The following NACC1 variants were observed in gnomAD, a reference collection of about 807,000 sequenced individuals.
NACC1 encodes the protein nucleus accumbens associated 1.
A neutral mutation model predicts 41.7 loss-of-function variants in NACC1; 6 were observed. The observed-to-expected ratio is 0.14, with a 90% CI of 0.08 to 0.28. The LOEUF is 0.28. Ranked by LOEUF, NACC1 falls within the 10% of genes least tolerant of loss-of-function variation. The pLI is 1.00. For missense variants in NACC1, 434 were observed against 763.7 expected (o/e 0.57, Z 5.09); for synonymous variants, 338 against 330.6 (o/e 1.02, Z -0.24).
chr19:13,120,648 G>A (rs2019478260), intron 1 of NACC1, among the ~76,000 whole-genome samples: 1 of 152,200 alleles, frequency 6.6e-6, no homozygotes, highest in African/African-American at 2.4e-5. Flanking sequence ...CTTCCTGGCT[G>A]GTTGGGCCAG....
intron 1 of NACC1, among the ~76,000 whole-genome samples, chr19:13,123,306 T>C (rs563691530): frequency 7.9e-5 from 12 of 152,206 alleles, no homozygotes; most frequent in East Asian, 5.8e-4. Flanking sequence ...GGTGGGCTTA[T>C]GGTTGGAGTT....
At chr19:13,126,639 A>G (rs2145615463) in intron 1 of NACC1, among the ~76,000 whole-genome samples, 1 of 152,268 alleles carries the variant, frequency 6.6e-6, no homozygotes, top group South Asian at 2.1e-4. Context: ...TTCGTCAGGT[A>G]ACACTGCGGT....
intron 1 of NACC1, among the ~76,000 whole-genome samples, chr19:13,126,668 G>A (rs950051164): frequency 2.0e-5 from 3 of 152,108 alleles, no homozygotes; most frequent in African/African-American, 7.2e-5. Flanking sequence ...GCCCCTGACT[G>A]CTGGCTACCC....
chr19:13,133,491 G>A (rs2019660291), intron 1 of NACC1, among the ~76,000 whole-genome samples: 1 of 151,916 alleles, frequency 6.6e-6, no homozygotes, highest in African/African-American at 2.4e-5. Context: ...GGATTTGCCT[G>A]TCCTGGACAT....
chr19:13,129,172 G>A lies in NACC1; in HGVS notation c.-8-6028G>A, dbSNP rs142510602. 4.9e-3 allele frequency among the ~76,000 whole-genome samples: 740 copies of A among 152,250 alleles called. 5 individuals carry two copies. Among genetic ancestry groups the A allele is most frequent in the African/African-American group, 0.016 (676 of 41,536 alleles). On this transcript the variant is annotated intron_variant, in intron 1 of 5. Transcript: ENST00000292431. ...GGTGCACAGCTTGGGCAAAGGCCTC[G>A]CTGCAGTAGAGGAGGACCAGGCAGT... is the stretch of plus-strand genomic sequence containing the variant.
intron 1 of NACC1, among the ~76,000 whole-genome samples, chr19:13,130,867 C>T (rs954777068): frequency 2.0e-5 from 3 of 152,108 alleles, no homozygotes; most frequent in African/African-American, 7.2e-5. Flanking sequence ...GCTGCCCTGA[C>T]CCTGGGGCTC....
At chr19:13,134,294 A>G (rs901236231) in intron 1 of NACC1, among the ~76,000 whole-genome samples, 2 of 151,980 alleles carry the variant, frequency 1.3e-5, no homozygotes. Flanking sequence ...TCCTAGGCTC[A>G]AGTGATCCAC....
At chr19:13,124,717 C>T (rs1459459555) in intron 1 of NACC1, among the ~76,000 whole-genome samples, 2 of 152,132 alleles carry the variant, frequency 1.3e-5, no homozygotes, top group Non-Finnish European at 2.9e-5. Context: ...TTCCTTGTTA[C>T]ACTTGGAGTT....
In NACC1 at chr19:13,136,264, GC is replaced by G; in HGVS notation, c.984del (p.Glu329SerfsTer44). On this transcript the variant is annotated frameshift_variant, in exon 3 of 6. Transcript: ENST00000292431. LOFTEE classifies it high-confidence loss of function. This position sits in a 1 kb window ranked among gnomAD's most constrained non-coding sequence, Gnocchi z 5.5. ...EKVEALPEQV[A>X]PESRNRIRVR... ...GGTGGAGGCCCTCCCGGAGCAGGTA[GC>G]CCCCGAGTCCCGAAATCGCATCCGG... 6.2e-7 allele frequency: 1 copy of G among 1,613,890 alleles called. No homozygotes were observed. The highest frequency in any genetic ancestry group is 8.5e-7 in the Non-Finnish European group (1 of 1,179,850).
rs376552799 is a variant in NACC1, at chr19:13,137,406, G to A, written c.1226+30G>A. On this transcript the variant is annotated intron_variant, in intron 4 of 5. Coordinates refer to ENST00000292431, the MANE Select transcript of NACC1 (RefSeq NM_052876.4). The surrounding 1 kb of genome is among the most constrained non-coding windows in gnomAD (Gnocchi z 6.1). ...GGCCCTTGCCAGAGCCCCAGGGAGGGGGGTGGGGTTTCCCCATGTCCCCCC... is the reference window on the plus strand; with the variant it reads ...GGCCCTTGCCAGAGCCCCAGGGAGGAGGGTGGGGTTTCCCCATGTCCCCCC... 1.2e-5 allele frequency: 19 copies of A among 1,587,054 alleles called. No individual in the cohort carries two copies. In the African/African-American group the frequency reaches 2.4e-4, roughly 20 times the overall value.
At chr19:13,122,528 G>GA (rs1419443791) in intron 1 of NACC1, among the ~76,000 whole-genome samples, 1 of 150,758 alleles carries the variant, frequency 6.6e-6, no homozygotes, top group African/African-American at 2.4e-5. Flanking sequence ...CCTGCCGGGG[G>GA]GGGGGGGGTG....
Position 13,137,935 on chromosome 19 carries a change from C to T in NACC1, c.1325-212C>T, listed in dbSNP as rs922031909. Among the ~76,000 whole-genome samples the T allele has an allele frequency of 4.6e-5, 7 of 152,230 alleles. No individual in the cohort carries two copies. Among genetic ancestry groups the T allele is most frequent in the Admixed American group, 3.3e-4 (5 of 15,282 alleles). Reference sequence around the variant, plus strand: ...AAATGATCCGAATTTTTCAAGAACACGGGGCCATCCCATCAAAACCAACAC... The same window carrying T: ...AAATGATCCGAATTTTTCAAGAACATGGGGCCATCCCATCAAAACCAACAC... On this transcript the variant is annotated intron_variant, in intron 5 of 5. Transcript: ENST00000292431. The surrounding 1 kb of genome is among the most constrained non-coding windows in gnomAD (Gnocchi z 6.1).
In NACC1 at chr19:13,137,471, C is replaced by A. The variant is rs375357951; in HGVS notation, c.1227-7C>A. The A allele has an allele frequency of 6.2e-7, 1 of 1,607,438 alleles. No homozygotes were observed. Among genetic ancestry groups the A allele is most frequent in the Admixed American group, 1.7e-5 (1 of 58,704 alleles). ...GCGCTGACTCCCTCCATGTCCCCTG[C>A]CCCCAGGAACACGCTGGCCAACAGC... is the stretch of plus-strand genomic sequence containing the variant. On this transcript the variant is annotated splice_region_variant and splice_polypyrimidine_tract_variant and intron_variant, in intron 4 of 5. Coordinates refer to ENST00000292431, the MANE Select transcript of NACC1 (RefSeq NM_052876.4). The surrounding 1 kb of genome is among the most constrained non-coding windows in gnomAD (Gnocchi z 6.1).
Position 13,135,595 on chromosome 19 carries a change from TC to T in NACC1, c.391del (p.Gln131ArgfsTer36). ...CAAGGTGAGCTCCCCGAGCTGCGAC[TC>T]CCAGGGCCTGCATGCGGAGGAGGCC... Reference protein sequence around the residue: ...FLKVSSPSCDSQGLHAEEAPS... With the variant: ...FLKVSSPSCDXQGLHAEEAPS... On this transcript the variant is annotated frameshift_variant, in exon 2 of 6. Transcript: ENST00000292431. LOFTEE classifies it high-confidence loss of function. 1 of 1,593,880 alleles carries T rather than the reference TC, an allele frequency of 6.3e-7. No individual in the cohort carries two copies.
chr19:13,136,859 TAAAA>T lies in NACC1; in HGVS notation c.1121-408_1121-405del, dbSNP rs1342058081. On this transcript the variant is annotated intron_variant, in intron 3 of 5. Transcript: ENST00000292431. The surrounding 1 kb of genome is among the most constrained non-coding windows in gnomAD (Gnocchi z 5.5). ...GGTGACAGAGTGAGACTTCATCTCT[TAAAA>T]AAAGAAGAAGAAGACTGTGTTTGGT... Among the ~76,000 whole-genome samples the T allele has an allele frequency of 6.6e-6, 1 of 152,084 alleles. No homozygotes were observed. Among genetic ancestry groups the T allele is most frequent in the South Asian group, 2.1e-4 (1 of 4,824 alleles).
intron 1 of NACC1, among the ~76,000 whole-genome samples, chr19:13,129,552 A>G (rs1003925841): frequency 1.3e-5 from 2 of 152,116 alleles, no homozygotes; most frequent in African/African-American, 4.8e-5. Context: ...CCACTGGGGA[A>G]CTAGACGAAC....
rs1277346030 is a variant in NACC1, at chr19:13,136,065, G to A, written c.858G>A (p.Glu286=). ...GSYHNEEDEE[E]DGGEEGMDEQ... ...ACCACAATGAGGAGGACGAGGAGGAGGATGGTGGCGAGGAGGGCATGGATG... is the reference window on the plus strand; with the variant it reads ...ACCACAATGAGGAGGACGAGGAGGAAGATGGTGGCGAGGAGGGCATGGATG... The change falls in exon 2 of 6, where the codon GAG becomes GAA. Residue 286 remains glutamate, a synonymous_variant. Coordinates refer to ENST00000292431, the MANE Select transcript of NACC1 (RefSeq NM_052876.4). The surrounding 1 kb of genome is among the most constrained non-coding windows in gnomAD (Gnocchi z 5.5). 2 of 1,614,060 alleles carry A rather than the reference G, an allele frequency of 1.2e-6. No homozygotes were observed. Among genetic ancestry groups the A allele is most frequent in the African/African-American group, 2.7e-5 (2 of 74,946 alleles).
chr19:13,119,900 A>G (rs1599979472), intron 1 of NACC1, among the ~76,000 whole-genome samples: 2 of 152,150 alleles, frequency 1.3e-5, no homozygotes, highest in East Asian at 3.9e-4. Flanking sequence ...CCAGACGAGG[A>G]AGCTGAGGCT....
chr19:13,120,560 C>T (rs2019476743), intron 1 of NACC1, among the ~76,000 whole-genome samples: 1 of 152,218 alleles, frequency 6.6e-6, no homozygotes, highest in Non-Finnish European at 1.5e-5. Context: ...CCCTGCCCTT[C>T]TTGCCTGTCT....
Sources: gnomAD v4.1 joint callset for allele counts (sites outside exome capture counted in the v4.1 genomes callset) on GRCh38, gnomAD v4.1.1 for gene constraint, Gnocchi (gnomAD v3.1) non-coding constraint, MANE v1.5 for transcripts, NCBI Gene and HGNC (gene_info 2026-07-23, HGNC 2026-07-21) for gene names.